HSPB7: variants seen among roughly 807,000 people sequenced by gnomAD.
HSPB7 encodes the protein heat shock protein family B (small) member 7.
Under a neutral mutation model 11.0 loss-of-function variants are expected in HSPB7, and 9 were observed. The observed-to-expected ratio is 0.82, with a 90% CI of 0.49 to 1.43. The LOEUF is 1.43. HSPB7 is among the 40% of genes most tolerant of loss of function. HSPB7 has a pLI of 0.00. For synonymous variants in HSPB7, 102 were observed against 101.6 expected (o/e 1.00, Z -0.02); for missense variants, 246 against 243.9 (o/e 1.01, Z -0.06).
chr1:16,018,037 C>G lies in HSPB7; in HGVS notation c.-74G>C. 6.2e-7 allele frequency: 1 copy of G among 1,609,330 alleles called. No individual in the cohort carries two copies. Among genetic ancestry groups the G allele is most frequent in the Non-Finnish European group, 8.5e-7 (1 of 1,178,306 alleles). On this transcript the variant is annotated 5_prime_UTR_variant, in exon 1 of 3. Coordinates refer to ENST00000311890, the MANE Select transcript of HSPB7 (RefSeq NM_014424.5). ...GAGGGTGTGGGCGCAGGCCTCTGGG[C>G]GAGCGTGCCAGGCTCCGACTGCGGC...
At chr1:16,019,039 T>TTTG, upstream of HSPB7, 1 of 1,168,316 alleles carries the variant, frequency 8.6e-7, no homozygotes, top group Non-Finnish European at 1.2e-6. Flanking sequence ...GAGGCCGAGG[T>TTTG]GGTTTGAACA....
intron 1 of HSPB7, chr1:16,017,537 A>G (rs1048846706): frequency 1.7e-6 from 1 of 593,244 alleles, no homozygotes; most frequent in Admixed American, 3.2e-5. Flanking sequence ...ATGGGTGGCC[A>G]TGGAACCATG....
upstream of HSPB7, chr1:16,019,367 A>C: frequency 6.9e-7 from 1 of 1,455,882 alleles, no homozygotes. Flanking sequence ...AGCACCTGGC[A>C]GTGTGACATA....
chr1:16,019,544 C>T, upstream of HSPB7: 1 of 1,434,310 alleles, frequency 7.0e-7, no homozygotes. Flanking sequence ...GAGCTTCATC[C>T]TGGAGAGCTC....
chr1:16,017,815 T>C lies in HSPB7; in HGVS notation c.149A>G (p.Asp50Gly). 2 of 1,613,374 alleles carry C rather than the reference T, an allele frequency of 1.2e-6. No homozygotes were observed. The highest frequency in any genetic ancestry group is 1.7e-6 in the Non-Finnish European group (2 of 1,179,686). The change falls in exon 1 of 3, where the codon GAT (aspartate) becomes GGT (glycine). Residue 50 changes from aspartate to glycine, a missense_variant. Transcript: ENST00000311890. ...GGGCCGCATGAAGCTGCCAAAGTCA[T>C]CGGAAAACATGCTCAGGGCCTTCTC... ...PMEKALSMFSDDFGSFMRPHS... is the reference protein window; with the variant it reads ...PMEKALSMFSGDFGSFMRPHS...
upstream of HSPB7, chr1:16,018,561 C>G: frequency 9.4e-7 from 1 of 1,064,564 alleles, no homozygotes; most frequent in Non-Finnish European, 1.1e-6. Flanking sequence ...TGAGCCCTGC[C>G]AGGGGGTGTA....
chr1:16,018,077 G>A (rs186293259), upstream of HSPB7: 968 of 1,580,422 alleles, frequency 6.1e-4, 4 homozygotes, highest in African/African-American at 0.01. Context: ...TTATAAGGCC[G>A]ACTGTCCCTG....
upstream of HSPB7, chr1:16,018,821 G>A (rs1314974452): frequency 4.1e-6 from 5 of 1,224,668 alleles, no homozygotes; most frequent in African/African-American, 4.6e-5. Flanking sequence ...TTCTAGCCCT[G>A]AGTTCTAGAA....
chr1:16,017,319 C>T (rs906904469), intron 1 of HSPB7, 112 bp from the exon 2 acceptor site: 3 of 1,423,848 alleles, frequency 2.1e-6, no homozygotes, highest in South Asian at 2.5e-5. Context: ...CCTACCTCCC[C>T]CCTAGCTGTT....
At chr1:16,017,034 C>A in intron 2 of HSPB7, 40 bp downstream of exon 2, 1 of 1,585,818 alleles carries the variant, frequency 6.3e-7, no homozygotes, top group South Asian at 1.1e-5. Flanking sequence ...GAGGCAGGAG[C>A]AGAATTTGGG....
In HSPB7 at chr1:16,015,644, C is replaced by G. The variant is rs561575565; in HGVS notation, c.449G>C (p.Arg150Pro). 1 of 1,613,966 alleles carries G rather than the reference C, an allele frequency of 6.2e-7. No homozygotes were observed. Among genetic ancestry groups the G allele is most frequent in the Middle Eastern group, 1.7e-4 (1 of 6,048 alleles). The stretch of plus-strand genomic sequence containing the variant: ...TTCTGTATGCGGGTGACGCCGTGCC[C>G]GGATAGTGAGGCTGCCGTCCTCCCG... ...ALREDGSLTIRARRHPHTEHV... is the reference protein window; with the variant it reads ...ALREDGSLTIPARRHPHTEHV... The change falls in exon 3 of 3, where the codon CGG becomes CCG. Residue 150 changes from arginine (R) to proline (P), a missense_variant. Physicochemically the swap from Arg to Pro is moderately radical, Grantham distance 103. Coordinates refer to ENST00000311890, the MANE Select transcript of HSPB7 (RefSeq NM_014424.5). This position sits in a 1 kb window ranked among gnomAD's most constrained non-coding sequence, Gnocchi z 4.9.
chr1:16,019,332 G>T, upstream of HSPB7: 1 of 1,423,052 alleles, frequency 7.0e-7, no homozygotes, highest in Non-Finnish European at 9.7e-7. Flanking sequence ...GATGCCCCCA[G>T]CACTGACTGT....
Position 16,014,642 on chromosome 1 carries a change from A to C in HSPB7, c.*938T>G, listed in dbSNP as rs1416436995. The C allele has an allele frequency of 6.6e-6, 1 of 152,130 alleles. No individual in the cohort carries two copies. Among genetic ancestry groups the C allele is most frequent in the African/African-American group, 2.4e-5 (1 of 41,440 alleles). The allele number at this position is 152,130 out of a possible 1,614,324, so 9.4% of individuals were successfully genotyped here. On this transcript the variant is annotated 3_prime_UTR_variant, in exon 3 of 3. Coordinates refer to ENST00000311890, the MANE Select transcript of HSPB7 (RefSeq NM_014424.5). The stretch of plus-strand genomic sequence containing the variant: ...CGATAGGGGTGTGTGTGTTACACAC[A>C]CCGAGCCTATAGATTCATAGATTAA...
chr1:16,018,997 G>A (rs938760721), upstream of HSPB7: 43 of 987,550 alleles, frequency 4.4e-5, no homozygotes, highest in Admixed American at 3.8e-4. Context: ...GCTGGGATTC[G>A]AACCTAGATG....
chr1:16,019,127 G>A (rs1380379205), upstream of HSPB7: 2 of 1,545,246 alleles, frequency 1.3e-6, no homozygotes, highest in South Asian at 2.4e-5. Context: ...GCAAAGCTGG[G>A]ACTGACCTTG....
Position 16,015,750 on chromosome 1 carries a change from C to T in HSPB7, c.343G>A (p.Asp115Asn). 1 of 1,580,808 alleles carries T rather than the reference C, an allele frequency of 6.3e-7. No individual in the cohort carries two copies. The highest frequency in any genetic ancestry group is 8.6e-7 in the Non-Finnish European group (1 of 1,160,170). Residue 115 changes from aspartate (D) to asparagine (N), a missense_variant, in exon 3 of 3, where the codon GAC becomes AAC. Transcript: ENST00000311890. The surrounding 1 kb of genome is among the most constrained non-coding windows in gnomAD (Gnocchi z 4.9). ...GCGAAGGTGTTCATGACAGTGCCGTCAGCCGCCAGCTGGGGAAGGGGTGAC... is the reference window on the plus strand; with the variant it reads ...GCGAAGGTGTTCATGACAGTGCCGTTAGCCGCCAGCTGGGGAAGGGGTGAC... The part of the protein sequence containing the change: ...IEVRAEKLAA[D>N]GTVMNTFAHK...
chr1:16,015,406 G>C lies in HSPB7; in HGVS notation c.*174C>G. The C allele has an allele frequency of 1.7e-6, 1 of 598,848 alleles. No individual in the cohort carries two copies. Among genetic ancestry groups the C allele is most frequent in the Non-Finnish European group, 2.9e-6 (1 of 341,628 alleles). 37.1% of individuals were successfully genotyped at this position (598,848 alleles called of 1,614,324 possible). ...CATGTGTCAGGCCAGGGAGTCCCTGGCCTGCCCTGGATAGAGTGGAGGGCC... is the reference window on the plus strand; with the variant it reads ...CATGTGTCAGGCCAGGGAGTCCCTGCCCTGCCCTGGATAGAGTGGAGGGCC... On this transcript the variant is annotated 3_prime_UTR_variant, in exon 3 of 3. Transcript: ENST00000311890. This position sits in a 1 kb window ranked among gnomAD's most constrained non-coding sequence, Gnocchi z 4.9.
Position 16,018,018 on chromosome 1 carries a change from G to A in HSPB7, c.-55C>T, listed in dbSNP as rs765410840. Reference sequence around the variant, plus strand: ...GGGCGAGGGCTGGACAGGAGAGGGTGTGGGCGCAGGCCTCTGGGCGAGCGT... The same window carrying A: ...GGGCGAGGGCTGGACAGGAGAGGGTATGGGCGCAGGCCTCTGGGCGAGCGT... On this transcript the variant is annotated 5_prime_UTR_variant, in exon 1 of 3. Transcript: ENST00000311890. The A allele has an allele frequency of 6.2e-7, 1 of 1,611,476 alleles. No individual in the cohort carries two copies. The highest frequency in any genetic ancestry group is 1.1e-5 in the South Asian group (1 of 90,922).
chr1:16,019,158 C>G, upstream of HSPB7: 1 of 1,550,316 alleles, frequency 6.5e-7, no homozygotes, highest in African/African-American at 1.4e-5. Flanking sequence ...GGGTGGAGGC[C>G]ATTCTGAGAG....
Sources: gnomAD v4.1 joint callset for allele counts on GRCh38, gnomAD v4.1.1 for gene constraint, Gnocchi (gnomAD v3.1) non-coding constraint, MANE v1.5 for transcripts, NCBI Gene and HGNC (gene_info 2026-07-23, HGNC 2026-07-21) for gene names.